The following ARSB variants were observed in gnomAD, a reference collection of about 807,000 sequenced individuals.
The protein encoded by ARSB is arylsulfatase B, also known as N-acetylgalactosamine-4-sulfatase.
In ARSB, 41 loss-of-function variants were observed where a neutral mutation model predicts 50.9. The ratio of observed to expected loss-of-function variants is 0.81; its 90% CI spans 0.63 to 1.04. The LOEUF (loss-of-function observed/expected upper bound fraction) is 1.04. Ranked by LOEUF, ARSB falls within the 50% of genes least tolerant of loss-of-function variation. ARSB has a pLI of 0.00. For synonymous variants in ARSB, 269 were observed against 284.8 expected (o/e 0.94, Z 0.56); for missense variants, 672 against 693.3 (o/e 0.97, Z 0.35).
chr5:78,946,063 C>T (rs72762987), intron 4 of ARSB, among the ~76,000 whole-genome samples: 2,844 of 152,230 alleles, frequency 0.019, 52 homozygotes, highest in Non-Finnish European at 0.024. Context: ...CAATGAAAGA[C>T]GGAGTGAATA....
intron 2 of ARSB, among the ~76,000 whole-genome samples, chr5:78,968,357 ATTATTT>A (rs1752300567): frequency 8.6e-6 from 1 of 116,586 alleles, no homozygotes. Flanking sequence ...TATTATTATT[ATTATTT>A]TTGAGACAGA....
intron 6 of ARSB, among the ~76,000 whole-genome samples, chr5:78,808,088 GTC>G (rs1743642669): frequency 3.4e-5 from 2 of 59,250 alleles, no homozygotes; most frequent in African/African-American, 2.2e-4. Context: ...GCGAGACTCC[GTC>G]TCAAAAAAAA....
intron 5 of ARSB, among the ~76,000 whole-genome samples, chr5:78,865,210 G>A (rs1746660800): frequency 6.6e-6 from 1 of 152,202 alleles, no homozygotes; most frequent in East Asian, 1.9e-4. Flanking sequence ...TCTTGCCTGG[G>A]CATCCAGGCA....
chr5:78,928,371 A>G (rs1481753619), intron 4 of ARSB, among the ~76,000 whole-genome samples: 1 of 117,704 alleles, frequency 8.5e-6, no homozygotes, highest in Non-Finnish European at 1.6e-5. Flanking sequence ...GCTGGAGTGC[A>G]GTGGTGCCAT....
At chr5:78,894,436 A>T (rs958682123) in intron 4 of ARSB, among the ~76,000 whole-genome samples, 1 of 152,228 alleles carries the variant, frequency 6.6e-6, no homozygotes, top group Admixed American at 6.5e-5. Flanking sequence ...TTAAGTAGTA[A>T]GATATGCCTT....
chr5:78,979,128 A>G (rs1322603832), intron 1 of ARSB, among the ~76,000 whole-genome samples: 1 of 152,224 alleles, frequency 6.6e-6, no homozygotes, highest in Non-Finnish European at 1.5e-5. Flanking sequence ...AAATCTTACA[A>G]CTCAAGAATG....
At chr5:78,850,227 C>T (rs1234306356) in intron 5 of ARSB, among the ~76,000 whole-genome samples, 20 of 152,206 alleles carry the variant, frequency 1.3e-4, no homozygotes, top group East Asian at 3.8e-4. Context: ...TTTTGAGATA[C>T]GTCCCATCAA....
At chr5:78,881,258 T>G (rs1020586256) in intron 5 of ARSB, among the ~76,000 whole-genome samples, 2 of 150,982 alleles carry the variant, frequency 1.3e-5, no homozygotes, top group Non-Finnish European at 3.0e-5. Flanking sequence ...AAAAAAGAAA[T>G]ACATGGAAGA....
At chr5:78,919,556 G>C (rs901738737) in intron 4 of ARSB, among the ~76,000 whole-genome samples, 15 of 152,146 alleles carry the variant, frequency 9.9e-5, no homozygotes, top group African/African-American at 3.6e-4. Context: ...GCAGTGGCAC[G>C]ATCTTGGCTC....
chr5:78,977,521 G>C (rs1445023292), intron 1 of ARSB, among the ~76,000 whole-genome samples: 1 of 152,066 alleles, frequency 6.6e-6, no homozygotes, highest in African/African-American at 2.4e-5. Context: ...CAGATTATAA[G>C]CACCAAGAGA....
intron 6 of ARSB, among the ~76,000 whole-genome samples, chr5:78,834,447 T>A (rs186969482): frequency 1.1e-3 from 162 of 151,876 alleles, no homozygotes; most frequent in African/African-American, 3.6e-3. Flanking sequence ...TCTGTCCCTA[T>A]GAATCTGACC....
chr5:78,934,068 C>A (rs752882603), intron 4 of ARSB, among the ~76,000 whole-genome samples: 2 of 152,198 alleles, frequency 1.3e-5, no homozygotes, highest in African/African-American at 2.4e-5. Context: ...CAATGAGGGT[C>A]TTGGTCATAG....
At chr5:78,858,047 C>T (rs766683664) in intron 5 of ARSB, among the ~76,000 whole-genome samples, 5 of 152,184 alleles carry the variant, frequency 3.3e-5, no homozygotes, top group African/African-American at 4.8e-5. Context: ...TGTGGTTGAG[C>T]AGGTGACAGG....
chr5:78,933,879 C>A (rs937362859), intron 4 of ARSB, among the ~76,000 whole-genome samples: 2 of 152,078 alleles, frequency 1.3e-5, no homozygotes, highest in Non-Finnish European at 2.9e-5. Context: ...AGGTTATGAG[C>A]TCTAAAAGTT....
rs749405464 is a variant in ARSB at position 78,964,568 on chromosome 5, G to A, written c.538C>T (p.Arg180Cys). ...TTCAGAGCGTCAATTAATGTACAGC[G>A]TTCATGGGAATAATAATCTTCACTA... ...LGSEDYYSHE[R>C]CTLIDALNVT... Residue 180 changes from arginine (R) to cysteine (C), a missense_variant, in exon 3 of 8, where the codon CGC becomes TGC. Arg to Cys is a radical substitution (Grantham distance 180, BLOSUM62 -3). Coordinates refer to ENST00000264914, the MANE Select transcript of ARSB (RefSeq NM_000046.5). 16 of 1,613,762 alleles carry A rather than the reference G, an allele frequency of 9.9e-6. No individual in the cohort carries two copies. Among genetic ancestry groups the A allele is most frequent in the South Asian group, 9.9e-5 (9 of 91,076 alleles).
At chr5:78,974,334 G>C in intron 1 of ARSB, among the ~76,000 whole-genome samples, 1 of 152,118 alleles carries the variant, frequency 6.6e-6, no homozygotes, top group South Asian at 2.1e-4. Context: ...TATTTATTTT[G>C]GTGTTGATTA....
chr5:78,969,426 A>G (rs1752351533), intron 1 of ARSB, among the ~76,000 whole-genome samples: 1 of 152,326 alleles, frequency 6.6e-6, no homozygotes, highest in South Asian at 2.1e-4. Flanking sequence ...GATATTTTCA[A>G]TATTTATCAA....
chr5:78,818,664 T>G (rs1258793320), intron 6 of ARSB, among the ~76,000 whole-genome samples: 1 of 126,300 alleles, frequency 7.9e-6, no homozygotes, highest in Non-Finnish European at 1.6e-5. Flanking sequence ...CAGGCTGGAG[T>G]GCAGTGGCGT....
At chr5:78,933,835 T>C (rs1346407106) in intron 4 of ARSB, among the ~76,000 whole-genome samples, 2 of 152,122 alleles carry the variant, frequency 1.3e-5, no homozygotes, top group Admixed American at 6.6e-5. Flanking sequence ...GACCTAAATA[T>C]AGGGAGATTA....
Sources: allele counts gnomAD v4.1 joint callset (sites outside exome capture counted in the v4.1 genomes callset), GRCh38; gene constraint gnomAD v4.1.1; transcripts MANE v1.5; gene names NCBI Gene and HGNC (gene_info 2026-07-23, HGNC 2026-07-21).